The following SLC15A1 variants were observed in gnomAD, a reference collection of about 807,000 sequenced individuals.
SLC15A1 encodes the protein Caco-2 oligopeptide transporter.
Under a neutral mutation model 92.9 loss-of-function variants are expected in SLC15A1, and 83 were observed. The observed-to-expected ratio is 0.89, with a 90% CI of 0.75 to 1.07. The LOEUF (loss-of-function observed/expected upper bound fraction) is 1.07, where lower values mean the gene tolerates loss of function less well. Among genes scored for constraint, SLC15A1 ranks in the 50% least tolerant of loss-of-function variants. The pLI, the probability that SLC15A1 is intolerant of heterozygous loss-of-function variation, is 0.00. For synonymous variants in SLC15A1, 322 were observed against 318.2 expected (o/e 1.01, Z -0.13); for missense variants, 857 against 880.1 (o/e 0.97, Z 0.33).
At chr13:98,734,102 A>C (rs2139602899) in intron 1 of SLC15A1, among the ~76,000 whole-genome samples, 1 of 152,234 alleles carries the variant, frequency 6.6e-6, no homozygotes, top group African/African-American at 2.4e-5. Flanking sequence ...AGTAGCTGGG[A>C]TTACAGGTGT....
intron 2 of SLC15A1, 159 bp from the exon 3 acceptor site, chr13:98,726,608 C>T (rs2088304043): frequency 3.9e-6 from 3 of 775,018 alleles, no homozygotes; most frequent in South Asian, 3.0e-5. Context: ...TTATTCCCTA[C>T]ACTAATCCTT....
chr13:98,718,741 G>A (rs891793694), intron 8 of SLC15A1, among the ~76,000 whole-genome samples: 10 of 152,100 alleles, frequency 6.6e-5, no homozygotes, highest in South Asian at 2.1e-4. Flanking sequence ...CCCAGGAGGC[G>A]GAGGTTGCAG....
chr13:98,704,088 A>G (rs1262566643), intron 17 of SLC15A1, among the ~76,000 whole-genome samples: 1 of 152,220 alleles, frequency 6.6e-6, no homozygotes, highest in Non-Finnish European at 1.5e-5. Flanking sequence ...TTCAATTAAT[A>G]TTAACTTTTA....
Position 98,734,916 on chromosome 13 carries a change from TG to T in SLC15A1, c.5-8058del, listed in dbSNP as rs1594007443. Among the ~76,000 whole-genome samples the T allele has an allele frequency of 2.0e-5, 3 of 152,316 alleles. No homozygotes were observed. The East Asian group carries it at 5.8e-4, about 29-fold the overall frequency. On this transcript the variant is annotated intron_variant, in intron 1 of 22. Coordinates refer to ENST00000376503, the MANE Select transcript of SLC15A1 (RefSeq NM_005073.4). ...CGAATTTAAAGGTACAAAGAGGAGC[TG>T]GTACCATTCCTTCTGAAACTATTCC...
At position 98,688,281 on chromosome 13, in the gene SLC15A1, A is replaced by G; in HGVS notation, c.1650T>C (p.Phe550=). 1 of 1,613,914 alleles carries G rather than the reference A, an allele frequency of 6.2e-7. No homozygotes were observed. The highest frequency in any genetic ancestry group is 8.5e-7 in the Non-Finnish European group (1 of 1,179,826). Residue 550 remains phenylalanine, a synonymous_variant, in exon 20 of 23, where the codon TTT becomes TTC. Coordinates refer to ENST00000376503, the MANE Select transcript of SLC15A1 (RefSeq NM_005073.4). ...QPNFNTFYLE[F]GSAYTYIVQR... is the part of the protein sequence containing the mutation. ...GGACTATATAGGTATAAGCACTACC[A>G]AATTCAAGGTAGAAAGTATTGAAAT...
chr13:98,745,680 C>T (rs1212607741), intron 1 of SLC15A1, among the ~76,000 whole-genome samples: 3 of 152,134 alleles, frequency 2.0e-5, no homozygotes, highest in East Asian at 1.9e-4. Context: ...CCAGAGCCTT[C>T]GGAGGGAGTG....
At chr13:98,744,838 T>C (rs1475361967) in intron 1 of SLC15A1, among the ~76,000 whole-genome samples, 1 of 150,400 alleles carries the variant, frequency 6.6e-6, no homozygotes, top group African/African-American at 2.4e-5. Flanking sequence ...TTTCCTATCA[T>C]AAGAATATCT....
intron 11 of SLC15A1, among the ~76,000 whole-genome samples, 199 bp from the exon 12 acceptor site, chr13:98,710,110 G>A (rs1378069388): frequency 6.6e-6 from 1 of 152,196 alleles, no homozygotes; most frequent in Non-Finnish European, 1.5e-5. Context: ...TAGCGTACGA[G>A]TGAACACAAT....
intron 1 of SLC15A1, among the ~76,000 whole-genome samples, chr13:98,743,254 C>T (rs2088464075): frequency 6.6e-6 from 1 of 152,158 alleles, no homozygotes; most frequent in East Asian, 1.9e-4. Context: ...AATTTGCCCA[C>T]AATAGTCACA....
chr13:98,721,184 G>A (rs760655464), intron 7 of SLC15A1: 2 of 551,462 alleles, frequency 3.6e-6, no homozygotes, highest in Admixed American at 2.2e-5. Context: ...GGCTTCCAAG[G>A]CACCTCTCTT....
At chr13:98,734,347 A>C (rs1290713944) in intron 1 of SLC15A1, among the ~76,000 whole-genome samples, 1 of 152,130 alleles carries the variant, frequency 6.6e-6, no homozygotes, top group Non-Finnish European at 1.5e-5. Context: ...TCTGGTCTGC[A>C]GGTCTCAGCG....
At chr13:98,747,912 G>C (rs1314068307) in intron 1 of SLC15A1, among the ~76,000 whole-genome samples, 2 of 152,038 alleles carry the variant, frequency 1.3e-5, no homozygotes, top group Non-Finnish European at 2.9e-5. Flanking sequence ...AAAACCCAAG[G>C]GAATCGAAAA....
chr13:98,733,087 A>C (rs2088363077), intron 1 of SLC15A1, among the ~76,000 whole-genome samples: 1 of 152,178 alleles, frequency 6.6e-6, no homozygotes, highest in Non-Finnish European at 1.5e-5. Flanking sequence ...GGGGTCCCCA[A>C]GTCAGGGAAT....
intron 9 of SLC15A1, among the ~76,000 whole-genome samples, chr13:98,713,829 T>G (rs1375570088): frequency 6.6e-6 from 1 of 151,944 alleles, no homozygotes; most frequent in Non-Finnish European, 1.5e-5. Context: ...GGCGGATCAC[T>G]TGAGACCAGG....
In SLC15A1 at chr13:98,726,248, G is replaced by A. The variant is rs757947222; in HGVS notation, c.120C>T (p.Tyr40=). The A allele has an allele frequency of 3.7e-6, 6 of 1,614,048 alleles. No homozygotes were observed. The change falls in exon 4 of 23, where the codon TAC becomes TAT. Residue 40 remains tyrosine (Y), a synonymous_variant. Transcript: ENST00000376503. ...CATCCCAGCTGATGAAATTTGTGAA[G>A]TACAGAATCAGGATTGCTTTTGCAG... ...YYGMRAILIL[Y]FTNFISWDDN...
intron 21 of SLC15A1, among the ~76,000 whole-genome samples, 196 bp downstream of exon 21, chr13:98,687,385 A>G (rs16955728): frequency 0.082 from 12,451 of 152,238 alleles, 950 homozygotes; most frequent in African/African-American, 0.2. Flanking sequence ...GCTCTTGCAA[A>G]GTTCAAGACA....
In SLC15A1 at chr13:98,724,092, T is replaced by C. The variant is rs2088280542; in HGVS notation, c.246-61A>G. 1.9e-6 allele frequency: 3 copies of C among 1,597,466 alleles called. No homozygotes were observed. The Admixed American group carries it at 5.1e-5, about 27-fold the overall frequency. On this transcript the variant is annotated intron_variant, in intron 4 of 22. Coordinates refer to ENST00000376503, the MANE Select transcript of SLC15A1 (RefSeq NM_005073.4). ...TGCACAATAGCCATCCACTTTTGACTCCACCACAAAAGACCCCCTCCTTGA... is the reference window on the plus strand; with the variant it reads ...TGCACAATAGCCATCCACTTTTGACCCCACCACAAAAGACCCCCTCCTTGA...
chr13:98,697,082 G>A (rs2088027954), intron 18 of SLC15A1, among the ~76,000 whole-genome samples: 1 of 152,016 alleles, frequency 6.6e-6, no homozygotes, highest in Admixed American at 6.6e-5. Flanking sequence ...TTGAGAGGGA[G>A]TCTTGCTCTG....
intron 1 of SLC15A1, among the ~76,000 whole-genome samples, chr13:98,730,887 G>A (rs1348749527): frequency 6.6e-6 from 1 of 152,136 alleles, no homozygotes; most frequent in Non-Finnish European, 1.5e-5. Flanking sequence ...TCCATGTCCC[G>A]GGTCTCGACC....
Sources: allele counts gnomAD v4.1 joint callset (sites outside exome capture counted in the v4.1 genomes callset), GRCh38; gene constraint gnomAD v4.1.1; transcripts MANE v1.5; gene names NCBI Gene and HGNC (gene_info 2026-07-23, HGNC 2026-07-21).